RBM22: variants seen among roughly 807,000 people sequenced by gnomAD.
RBM22 encodes pre-mRNA-splicing factor RBM22.
A neutral mutation model predicts 50.1 loss-of-function variants in RBM22; 1 was observed. The observed-to-expected ratio is 0.02, with a 90% CI of 0.01 to 0.09. The LOEUF is 0.09. Among genes scored for constraint, RBM22 ranks in the 10% least tolerant of loss-of-function variants. RBM22 has a pLI of 1.00. For missense variants in RBM22, 264 were observed against 529.3 expected (o/e 0.50, Z 4.92); for synonymous variants, 152 against 179.0 (o/e 0.85, Z 1.20).
chr5:150,692,277 G>C (rs924311723), intron 10 of RBM22, among the ~76,000 whole-genome samples: 4 of 152,186 alleles, frequency 2.6e-5, no homozygotes, highest in Non-Finnish European at 5.9e-5. Context: ...ATTCTCTTCA[G>C]AGTATGGGCT....
At chr5:150,692,001 A>G in intron 10 of RBM22, 120 bp from the exon 11 acceptor site, 1 of 1,107,108 alleles carries the variant, frequency 9.0e-7, no homozygotes, top group Non-Finnish European at 1.2e-6. Flanking sequence ...ACGGGGCTTA[A>G]GCAAATGTCA....
intron 2 of RBM22, 144 bp downstream of exon 2, chr5:150,700,300 G>T (rs1759329164): frequency 1.4e-6 from 1 of 739,810 alleles, no homozygotes. Context: ...GAATACACAT[G>T]ACAGTTCTTT....
chr5:150,690,824 C>T lies in RBM22; in HGVS notation c.*927G>A, dbSNP rs1169358261. 3 of 152,096 alleles carry T rather than the reference C, an allele frequency of 2.0e-5. No individual in the cohort carries two copies. Among genetic ancestry groups the T allele is most frequent in the African/African-American group, 4.8e-5 (2 of 41,392 alleles). 9.4% of individuals were successfully genotyped at this position (152,096 alleles called of 1,614,324 possible). On this transcript the variant is annotated 3_prime_UTR_variant, in exon 11 of 11. Coordinates refer to ENST00000199814, the MANE Select transcript of RBM22 (RefSeq NM_018047.3). ...TTGACCCGTTTTAATTATTTAAAAA[C>T]AAAAAACACATCAAATTTCCTTTAC... is the stretch of plus-strand genomic sequence containing the variant.
chr5:150,700,361 T>A, intron 2 of RBM22, 83 bp downstream of exon 2: 1 of 1,356,182 alleles, frequency 7.4e-7, no homozygotes, highest in Non-Finnish European at 1.0e-6. Context: ...TTTTTCTGCT[T>A]GTCTAAGAGA....
rs373488528 is a variant in RBM22 at position 150,701,000 on chromosome 5, G to A, written c.-15C>T. 13 of 1,614,086 alleles carry A rather than the reference G, an allele frequency of 8.1e-6. No homozygotes were observed. In the African/African-American group the frequency reaches 1.6e-4, roughly 20 times the overall value. ...GAGGTCGCCATCTTGAGAGCGTCCG[G>A]AGGTAGCTGTAGCTTCCGAATTGGG... On this transcript the variant is annotated 5_prime_UTR_variant, in exon 1 of 11. Coordinates refer to ENST00000199814, the MANE Select transcript of RBM22 (RefSeq NM_018047.3).
In RBM22 at chr5:150,691,658, A is replaced by G. The variant is rs964972116; in HGVS notation, c.*93T>C. ...CTGAGCACATTCAGCTACCATGGAA[A>G]CTACAAGGGAAGGAAAAATATATTT... On this transcript the variant is annotated 3_prime_UTR_variant, in exon 11 of 11. Transcript: ENST00000199814. 6.0e-6 allele frequency: 8 copies of G among 1,342,092 alleles called. No individual in the cohort carries two copies. Among genetic ancestry groups the G allele is most frequent in the African/African-American group, 1.5e-5 (1 of 67,446 alleles). The allele number at this position is 1,342,092 out of a possible 1,614,324, so 83.1% of individuals were successfully genotyped here. A position where few individuals can be genotyped will look rare whatever the true frequency, so the allele number is the denominator to read the frequency against.
chr5:150,698,726 G>T, intron 3 of RBM22, 95 bp from the exon 4 acceptor site: 1 of 1,471,228 alleles, frequency 6.8e-7, no homozygotes. Context: ...AAGGATCCCT[G>T]AATGTAGGAT....
chr5:150,698,458 C>T (rs1305042113), intron 4 of RBM22, 41 bp downstream of exon 4: 1 of 1,601,748 alleles, frequency 6.2e-7, no homozygotes, highest in Admixed American at 1.7e-5. Flanking sequence ...TAGTTTTAGG[C>T]ACCTGCACAC....
chr5:150,695,912 C>T (rs937923952), intron 6 of RBM22, among the ~76,000 whole-genome samples: 1 of 147,508 alleles, frequency 6.8e-6, no homozygotes, highest in Non-Finnish European at 1.5e-5. Flanking sequence ...TTACTAGCCT[C>T]CTAAAAGCCA....
At chr5:150,698,691 T>A (rs981690651) in intron 3 of RBM22, 60 bp from the exon 4 acceptor site, 1 of 1,591,296 alleles carries the variant, frequency 6.3e-7, no homozygotes, top group East Asian at 2.2e-5. Context: ...AATCTGGAGA[T>A]CTGATAACAA....
chr5:150,700,643 A>G (rs1201992427), intron 1 of RBM22, 146 bp from the exon 2 acceptor site: 1 of 1,532,730 alleles, frequency 6.5e-7, no homozygotes, highest in African/African-American at 1.4e-5. Flanking sequence ...CGATCGCGGG[A>G]GGGGGCGCTG....
intron 4 of RBM22, 82 bp downstream of exon 4, chr5:150,698,417 G>A: frequency 7.3e-6 from 11 of 1,498,356 alleles, no homozygotes; most frequent in Non-Finnish European, 9.1e-6. Flanking sequence ...CCAGAGCTAG[G>A]GTGCGAAGTG....
intron 3 of RBM22, among the ~76,000 whole-genome samples, chr5:150,699,002 T>C (rs1434734472): frequency 1.3e-5 from 2 of 152,152 alleles, no homozygotes; most frequent in Non-Finnish European, 2.9e-5. Context: ...ATACACCACC[T>C]GGTGTACAAA....
At chr5:150,692,763 C>A in intron 10 of RBM22, 132 bp downstream of exon 10, 1 of 1,070,068 alleles carries the variant, frequency 9.3e-7, no homozygotes, top group Non-Finnish European at 1.3e-6. Flanking sequence ...GAAATCCCAA[C>A]AGATCAACTT....
Position 150,690,879 on chromosome 5 carries a change from C to CT in RBM22, c.*871dup. 6.6e-6 allele frequency: 1 copy of CT among 152,422 alleles called. No individual in the cohort carries two copies. The highest frequency in any genetic ancestry group is 2.4e-5 in the African/African-American group (1 of 41,548). The allele number at this position is 152,422 out of a possible 1,614,324, so 9.4% of individuals were successfully genotyped here. A position where few individuals can be genotyped will look rare whatever the true frequency, so the allele number is the denominator to read the frequency against. On this transcript the variant is annotated 3_prime_UTR_variant, in exon 11 of 11. Coordinates refer to ENST00000199814, the MANE Select transcript of RBM22 (RefSeq NM_018047.3). ...TACAATTCAGTTATATCCAAACACT[C>CT]TAAGACCAAACAGAAGCAGGGATGA...
intron 2 of RBM22, among the ~76,000 whole-genome samples, 184 bp from the exon 3 acceptor site, chr5:150,699,455 A>G (rs991844397): frequency 1.3e-5 from 2 of 152,188 alleles, no homozygotes; most frequent in East Asian, 1.9e-4. Context: ...GGAACATACT[A>G]TAACAACATA....
In RBM22 at chr5:150,695,517, C is replaced by A; in HGVS notation, c.735G>T (p.Glu245Asp). 1.2e-6 allele frequency: 2 copies of A among 1,612,588 alleles called. No individual in the cohort carries two copies. The highest frequency in any genetic ancestry group is 1.7e-6 in the Non-Finnish European group (2 of 1,179,034). ...TTATACCCACAAACCTTAAATCTGT[C>A]TCAGTAATGGTATCACCTAGACCAC... ...YVGGLGDTIT[E>D]TDLRNHFYQF... is the part of the protein sequence containing the mutation. The change falls in exon 7 of 11, where the codon GAG becomes GAT. Residue 245 changes from glutamate (E) to aspartate (D), a missense_variant. Around this residue, in one of 7 missense-constraint regions of RBM22, gnomAD observed 62 missense variants for 102.6 expected, o/e 0.60. Coordinates refer to ENST00000199814, the MANE Select transcript of RBM22 (RefSeq NM_018047.3).
chr5:150,695,540 C>A lies in RBM22; in HGVS notation c.712G>T (p.Gly238Cys), dbSNP rs1759265038. ...DKTITTLYVGGLGDTITETDL... is the reference protein window; with the variant it reads ...DKTITTLYVGCLGDTITETDL... Reference sequence around the variant, plus strand: ...GTCTCAGTAATGGTATCACCTAGACCACCAACATATAGTGTGGTGATAGTT... The same window carrying A: ...GTCTCAGTAATGGTATCACCTAGACAACCAACATATAGTGTGGTGATAGTT... Residue 238 changes from glycine (G) to cysteine (C), a missense_variant, in exon 7 of 11, where the codon GGT (glycine) becomes TGT (cysteine). Around this residue, in one of 7 missense-constraint regions of RBM22, gnomAD observed 62 missense variants for 102.6 expected, o/e 0.60. Coordinates refer to ENST00000199814, the MANE Select transcript of RBM22 (RefSeq NM_018047.3). The A allele has an allele frequency of 6.2e-7, 1 of 1,613,884 alleles. No individual in the cohort carries two copies. Among genetic ancestry groups the A allele is most frequent in the Admixed American group, 1.7e-5 (1 of 59,992 alleles).
chr5:150,696,518 G>A lies in RBM22; in HGVS notation c.545+15C>T, dbSNP rs751559949. On this transcript the variant is annotated intron_variant, in intron 6 of 10. Transcript: ENST00000199814. The surrounding 1 kb of genome is among the most constrained non-coding windows in gnomAD (Gnocchi z 4.3). ...TCATCTGAAAGCAAATACTGAAAAT[G>A]AGGCTCGCTCTTGCCTGTATGGACA... 6 of 1,597,742 alleles carry A rather than the reference G, an allele frequency of 3.8e-6. No individual in the cohort carries two copies. Among genetic ancestry groups the A allele is most frequent in the Non-Finnish European group, 5.1e-6 (6 of 1,170,556 alleles).
Sources: allele counts gnomAD v4.1 joint callset (sites outside exome capture counted in the v4.1 genomes callset), GRCh38; gene constraint gnomAD v4.1.1; regional missense constraint gnomAD v4.1.1; non-coding constraint Gnocchi (gnomAD v3.1); transcripts MANE v1.5; gene names NCBI Gene and HGNC (gene_info 2026-07-23, HGNC 2026-07-21).